Variants in COG5 observed in about 807,000 individuals in gnomAD.
The protein encoded by COG5 is component of oligomeric golgi complex 5.
In COG5, 86 loss-of-function variants were observed where a neutral mutation model predicts 110.4. The observed-to-expected ratio is 0.78, with a 90% CI of 0.65 to 0.93. The LOEUF is 0.93. Among genes scored for constraint, COG5 ranks in the 40% least tolerant of loss-of-function variants. The probability of loss-of-function intolerance (pLI) is 0.00; values close to 1 mark genes in which losing one functional copy is unlikely to be tolerated. For missense variants in COG5, 1,077 were observed against 987.0 expected (o/e 1.09, Z -1.22); for synonymous variants, 360 against 334.6 (o/e 1.08, Z -0.83).
intron 13 of COG5, among the ~76,000 whole-genome samples, chr7:107,282,654 TG>T (rs1805276976): frequency 6.6e-6 from 1 of 152,140 alleles, no homozygotes; most frequent in Non-Finnish European, 1.5e-5. Context: ...CCCGAGTAGC[TG>T]GGGTTACAAG....
chr7:107,268,864 T>C (rs1174968459), intron 14 of COG5, among the ~76,000 whole-genome samples: 1 of 152,234 alleles, frequency 6.6e-6, no homozygotes, highest in African/African-American at 2.4e-5. Context: ...TCATCCTTTA[T>C]CTGTCCTTAT....
chr7:107,354,729 T>C (rs1812481281), intron 10 of COG5, among the ~76,000 whole-genome samples: 1 of 152,200 alleles, frequency 6.6e-6, no homozygotes, highest in Non-Finnish European at 1.5e-5. Context: ...TGATAGCAAA[T>C]TGTCAAGTCA....
intron 19 of COG5, among the ~76,000 whole-genome samples, chr7:107,212,471 T>C (rs553481804): frequency 1.3e-5 from 2 of 152,382 alleles, no homozygotes; most frequent in South Asian, 2.1e-4. Context: ...TAAACAAATA[T>C]GAAAACTTTG....
Position 107,534,640 on chromosome 7 carries a change from C to T in COG5, c.418-7283G>A, listed in dbSNP as rs140775403. Among the ~76,000 whole-genome samples, 81 of 151,468 alleles carry T rather than the reference C, an allele frequency of 5.3e-4. 1 individual carries two copies. The highest frequency in any genetic ancestry group is 1.8e-3 in the African/African-American group (72 of 40,892). On this transcript the variant is annotated intron_variant, in intron 5 of 21. Coordinates refer to ENST00000297135, the MANE Select transcript of COG5 (RefSeq NM_006348.5). Reference sequence around the variant, plus strand: ...GCTAACTATCCTAAATATATATGCACGCAATACAGGACCACCCAGATTCAT... The same window carrying T: ...GCTAACTATCCTAAATATATATGCATGCAATACAGGACCACCCAGATTCAT...
At chr7:107,349,219 A>G (rs372770411) in intron 10 of COG5, among the ~76,000 whole-genome samples, 59 of 152,304 alleles carry the variant, frequency 3.9e-4, no homozygotes, top group African/African-American at 1.2e-3. Context: ...GTAGGTTCCA[A>G]TGGAGTTTCC....
At chr7:107,518,399 TA>T (rs1800093996) in intron 6 of COG5, among the ~76,000 whole-genome samples, 1 of 152,108 alleles carries the variant, frequency 6.6e-6, no homozygotes, top group Non-Finnish European at 1.5e-5. Flanking sequence ...ACTGATGAGC[TA>T]TATTCAGGAG....
At chr7:107,546,072 C>T (rs1005252169) in intron 5 of COG5, among the ~76,000 whole-genome samples, 9 of 151,832 alleles carry the variant, frequency 5.9e-5, no homozygotes, top group South Asian at 2.1e-4. Flanking sequence ...GGATGGATTT[C>T]GAAAAATTCA....
intron 11 of COG5, among the ~76,000 whole-genome samples, chr7:107,306,779 T>C (rs1368160561): frequency 1.3e-5 from 2 of 152,272 alleles, no homozygotes; most frequent in Middle Eastern, 6.8e-3. Context: ...ATCTTTCCTA[T>C]CTCACAGAAA....
chr7:107,427,299 A>G (rs181816784), intron 6 of COG5, among the ~76,000 whole-genome samples: 1 of 152,268 alleles, frequency 6.6e-6, no homozygotes, highest in African/African-American at 2.4e-5. Context: ...GGCTTTTCCT[A>G]TACATCAAAA....
chr7:107,547,887 TAA>T (rs1444146187), intron 5 of COG5: 44 of 514,686 alleles, frequency 8.5e-5, no homozygotes, highest in Non-Finnish European at 1.3e-4. Context: ...GAAGAAGATA[TAA>T]GTTAATAAAC....
At chr7:107,491,518 G>T (rs1289731864) in intron 6 of COG5, among the ~76,000 whole-genome samples, 1 of 152,130 alleles carries the variant, frequency 6.6e-6, no homozygotes, top group Non-Finnish European at 1.5e-5. Context: ...AGCTGCCAAT[G>T]AATGTTCTAT....
At chr7:107,451,083 A>G (rs1315082125) in intron 6 of COG5, among the ~76,000 whole-genome samples, 1 of 152,204 alleles carries the variant, frequency 6.6e-6, no homozygotes, top group Non-Finnish European at 1.5e-5. Flanking sequence ...GTCTGGAAGG[A>G]TTACACCACT....
intron 6 of COG5, among the ~76,000 whole-genome samples, chr7:107,493,524 A>C (rs1431895744): frequency 6.6e-6 from 1 of 152,130 alleles, no homozygotes; most frequent in African/African-American, 2.4e-5. Context: ...AATAAATTAA[A>C]TTTCTCATTG....
At chr7:107,350,448 T>C (rs1812035209) in intron 10 of COG5, among the ~76,000 whole-genome samples, 1 of 152,188 alleles carries the variant, frequency 6.6e-6, no homozygotes, top group African/African-American at 2.4e-5. Context: ...AATTTTTTAT[T>C]CCATATTTTA....
chr7:107,250,282 C>A (rs1180703023), intron 16 of COG5, among the ~76,000 whole-genome samples: 1 of 152,046 alleles, frequency 6.6e-6, no homozygotes. Flanking sequence ...AGCTAACTAT[C>A]AGTAATGCAT....
At chr7:107,513,806 C>T (rs1005354225) in intron 6 of COG5, among the ~76,000 whole-genome samples, 1 of 151,944 alleles carries the variant, frequency 6.6e-6, no homozygotes, top group Non-Finnish European at 1.5e-5. Flanking sequence ...GGACAAAAAA[C>T]CAAACACCAT....
chr7:107,236,898 T>C (rs1801238216), intron 17 of COG5, among the ~76,000 whole-genome samples: 1 of 152,176 alleles, frequency 6.6e-6, no homozygotes, highest in Admixed American at 6.5e-5. Context: ...GCCAGGAGGA[T>C]TACTGAAGGA....
At chr7:107,449,440 A>G (rs1795202519) in intron 6 of COG5, among the ~76,000 whole-genome samples, 1 of 152,196 alleles carries the variant, frequency 6.6e-6, no homozygotes, top group Non-Finnish European at 1.5e-5. Context: ...TGTGATCTCA[A>G]GTGTTACAAT....
At chr7:107,220,423 C>T (rs1799831041) in intron 19 of COG5, among the ~76,000 whole-genome samples, 1 of 152,160 alleles carries the variant, frequency 6.6e-6, no homozygotes, top group African/African-American at 2.4e-5. Flanking sequence ...ATGGTGTGAC[C>T]TTAAGTTCCT....
Sources: gnomAD v4.1 joint callset for allele counts (sites outside exome capture counted in the v4.1 genomes callset) on GRCh38, gnomAD v4.1.1 for gene constraint, MANE v1.5 for transcripts, NCBI Gene and HGNC (gene_info 2026-07-23, HGNC 2026-07-21) for gene names.